PSG4: variants seen among roughly 807,000 people sequenced by gnomAD.
The protein encoded by PSG4 is pregnancy-specific beta-1-glycoprotein 4.
A neutral mutation model predicts 44.3 loss-of-function variants in PSG4; 61 were observed. The ratio of observed to expected loss-of-function variants is 1.38; its 90% confidence interval spans 1.12 to 1.70. The LOEUF (loss-of-function observed/expected upper bound fraction) is 1.70. PSG4 is among the 40% of genes most tolerant of loss of function. The pLI, the probability that PSG4 is intolerant of heterozygous loss-of-function variation, is 0.00. For synonymous variants in PSG4, 248 were observed against 191.3 expected (o/e 1.30, Z -2.45); for missense variants, 677 against 511.7 (o/e 1.32, Z -3.12).
rs374421473 is a variant in PSG4 at position 43,194,599 on chromosome 19, C to G, written c.989-5G>C. On this transcript the variant is annotated splice_region_variant and splice_polypyrimidine_tract_variant and intron_variant, in intron 4 of 5. Transcript: ENST00000405312. The stretch of plus-strand genomic sequence containing the variant: ...TGCTGGGGAGGTCTGGACCATCTGG[C>G]GCAAAGAGAATAAAGCCATAGGTGA... 4 of 1,606,792 alleles carry G rather than the reference C, an allele frequency of 2.5e-6. No homozygotes were observed. Among genetic ancestry groups the G allele is most frequent in the Non-Finnish European group, 3.4e-6 (4 of 1,175,916 alleles).
chr19:43,198,621 G>A, intron 2 of PSG4: 2 of 290,254 alleles, frequency 6.9e-6, no homozygotes, highest in Non-Finnish European at 1.2e-5. Context: ...CTTGGAGCAT[G>A]CAGTGCTGGA....
intron 3 of PSG4, chr19:43,197,773 G>A: frequency 1.1e-6 from 1 of 945,758 alleles, no homozygotes; most frequent in South Asian, 1.8e-5. Context: ...CCCATCACAA[G>A]CTGTGGAACC....
intron 5 of PSG4, 192 bp from the exon 6 acceptor site, chr19:43,193,580 A>T (rs999653736): frequency 1.8e-5 from 11 of 614,884 alleles, no homozygotes; most frequent in Non-Finnish European, 2.9e-5. Context: ...GATTCTTTAC[A>T]TAAGTGCAGC....
intron 2 of PSG4, among the ~76,000 whole-genome samples, chr19:43,202,021 G>A (rs1967536019): frequency 1.4e-5 from 2 of 145,036 alleles, no homozygotes; most frequent in Admixed American, 1.4e-4. Flanking sequence ...CCTGGCAGGA[G>A]TGGCAACTCC....
chr19:43,197,731 T>C lies in PSG4; in HGVS notation c.709+266A>G. On this transcript the variant is annotated intron_variant, in intron 3 of 5. Coordinates refer to ENST00000405312, the MANE Select transcript of PSG4 (RefSeq NM_002780.5). ...CCAGCCAAATCCCCGCTGTGTTCAC[T>C]GATCTGGAGCCTGAGACCTTCACCT... 8.1e-6 allele frequency: 6 copies of C among 740,362 alleles called. 1 individual carries two copies. Among genetic ancestry groups the C allele is most frequent in the Non-Finnish European group, 1.2e-5 (6 of 499,144 alleles). 45.9% of individuals were successfully genotyped at this position (740,362 alleles called of 1,614,324 possible). A position where few individuals can be genotyped will look rare whatever the true frequency, so the allele number is the denominator to read the frequency against.
At chr19:43,201,436 T>C (rs1316486658) in intron 2 of PSG4, among the ~76,000 whole-genome samples, 1 of 145,370 alleles carries the variant, frequency 6.9e-6, no homozygotes, top group Non-Finnish European at 1.5e-5. Flanking sequence ...TGTAACTAAT[T>C]GCTCCTATAG....
chr19:43,205,111 C>CTTTTTTTTTTTTTTTTTTTTTTTTTTTTT (rs59165427), intron 1 of PSG4, among the ~76,000 whole-genome samples: 4 of 90,852 alleles, frequency 4.4e-5, no homozygotes, highest in South Asian at 4.3e-4. Flanking sequence ...TTCCTTTTTT[C>CTTTTTTTTTTTTTTTTTTTTTTTTTTTTT]TTTTTTTTTT....
intron 2 of PSG4, among the ~76,000 whole-genome samples, chr19:43,202,235 G>T (rs1415026476): frequency 1.4e-5 from 2 of 145,262 alleles, no homozygotes; most frequent in East Asian, 4.8e-4. Flanking sequence ...GAGAGGCAGA[G>T]ACACCATGGC....
In PSG4 at chr19:43,205,483, G is replaced by C. The variant is rs552308948; in HGVS notation, c.54C>G (p.Val18=). Residue 18 remains valine (V), a synonymous_variant, in exon 1 of 6, where the codon GTC becomes GTG. Transcript: ENST00000405312. Reference sequence around the variant, plus strand: ...AAGTTCTCTCCTCACCTGTGAGCAGGACCCCCTTCCAGGTGATGCGCTGTG... The same window carrying C: ...AAGTTCTCTCCTCACCTGTGAGCAGCACCCCCTTCCAGGTGATGCGCTGTG... The part of the protein sequence containing the change: ...PCTQRITWKG[V]LLTASLLNFW... 6.5e-7 allele frequency: 1 copy of C among 1,549,394 alleles called. No individual in the cohort carries two copies.
chr19:43,199,303 T>A (rs7249791), intron 2 of PSG4, among the ~76,000 whole-genome samples: 41,461 of 144,226 alleles, frequency 0.29, 9,719 homozygotes, highest in East Asian at 0.88. Context: ...AGAATAGTAG[T>A]TTGCAGGAGT....
chr19:43,197,406 G>C (rs1488383556), intron 3 of PSG4, among the ~76,000 whole-genome samples: 1 of 145,578 alleles, frequency 6.9e-6, no homozygotes, highest in Non-Finnish European at 1.5e-5. Flanking sequence ...GGATGAAACA[G>C]ACCTAAACCC....
In PSG4 at chr19:43,192,737, T is replaced by A. The variant is rs1478418787; in HGVS notation, c.*635A>T. On this transcript the variant is annotated 3_prime_UTR_variant, in exon 6 of 6. Coordinates refer to ENST00000405312, the MANE Select transcript of PSG4 (RefSeq NM_002780.5). ...TGGTACATGTTTTATTCTGCTAGAATCAGTATTACTGTCACGTTTTACACT... is the reference window on the plus strand; with the variant it reads ...TGGTACATGTTTTATTCTGCTAGAAACAGTATTACTGTCACGTTTTACACT... 6.1e-6 allele frequency: 1 copy of A among 163,398 alleles called. No individual in the cohort carries two copies. Among genetic ancestry groups the A allele is most frequent in the South Asian group, 1.7e-4 (1 of 5,762 alleles). The allele number at this position is 163,398 out of a possible 1,614,324, so 10.1% of individuals were successfully genotyped here. A position where few individuals can be genotyped will look rare whatever the true frequency, so the allele number is the denominator to read the frequency against.
intron 3 of PSG4, chr19:43,196,770 G>C (rs761480535): frequency 1.3e-5 from 2 of 151,184 alleles, no homozygotes; most frequent in South Asian, 2.1e-4. Flanking sequence ...AACTTTCCAC[G>C]TTTTCATGGT....
rs967454005 is a variant in PSG4, at chr19:43,199,884, G to T, written c.431-1609C>A. 2.1e-5 allele frequency among the ~76,000 whole-genome samples: 3 copies of T among 145,382 alleles called. 1 individual carries two copies. Among genetic ancestry groups the T allele is most frequent in the African/African-American group, 7.9e-5 (3 of 37,872 alleles). On this transcript the variant is annotated intron_variant, in intron 2 of 5. Coordinates refer to ENST00000405312, the MANE Select transcript of PSG4 (RefSeq NM_002780.5). ...CAGGATCACATTATGCTCAAAGAAA[G>T]ATGCCAAAGGTGATTGGAAATTAGC...
chr19:43,193,148 T>A lies in PSG4; in HGVS notation c.*224A>T. The stretch of plus-strand genomic sequence containing the variant: ...ACATCTTTGGAAAAACTGTCCACAG[T>A]GTGAAGTCATCAACTTGTTATCCTG... On this transcript the variant is annotated 3_prime_UTR_variant, in exon 6 of 6. Transcript: ENST00000405312. 1 of 697,278 alleles carries A rather than the reference T, an allele frequency of 1.4e-6. No homozygotes were observed. Among genetic ancestry groups the A allele is most frequent in the Non-Finnish European group, 2.6e-6 (1 of 381,686 alleles). 43.2% of individuals were successfully genotyped at this position (697,278 alleles called of 1,614,324 possible). A position where few individuals can be genotyped will look rare whatever the true frequency, so the allele number is the denominator to read the frequency against.
chr19:43,193,600 A>C, intron 5 of PSG4: 1 of 599,084 alleles, frequency 1.7e-6, no homozygotes. Flanking sequence ...CAAGAGTAGC[A>C]ATAGACCATG....
chr19:43,202,001 C>T (rs62116509), intron 2 of PSG4, among the ~76,000 whole-genome samples: 7,410 of 144,278 alleles, frequency 0.051, 838 homozygotes, highest in Non-Finnish European at 0.067. Flanking sequence ...GACATTGGCT[C>T]GAGATGAAGC....
intron 4 of PSG4, 147 bp from the exon 5 acceptor site, chr19:43,194,741 T>G: frequency 6.9e-7 from 1 of 1,442,810 alleles, no homozygotes; most frequent in Middle Eastern, 2.5e-4. Context: ...AGCCGAAGCC[T>G]GAGGTATTCA....
Position 43,194,382 on chromosome 19 carries a change from T to C in PSG4, c.1201A>G (p.Thr401Ala), listed in dbSNP as rs1967136150. 1 of 1,612,470 alleles carries C rather than the reference T, an allele frequency of 6.2e-7. No homozygotes were observed. The highest frequency in any genetic ancestry group is 8.5e-7 in the Non-Finnish European group (1 of 1,179,122). ...ATGGATTTGGAGCTTTCCTTGCCAG[T>C]GGCTGAGTTACGAACAGAGCAAGCA... ...LYACSVRNSA[T>A]GKESSKSITV... Residue 401 changes from threonine (T) to alanine (A), a missense_variant, in exon 5 of 6, where the codon ACT becomes GCT. Transcript: ENST00000405312.
Sources: gnomAD v4.1 joint callset for allele counts (sites outside exome capture counted in the v4.1 genomes callset) on GRCh38, gnomAD v4.1.1 for gene constraint, MANE v1.5 for transcripts, NCBI Gene and HGNC (gene_info 2026-07-23, HGNC 2026-07-21) for gene names.